DERA: variants seen among roughly 807,000 people sequenced by gnomAD.
The protein encoded by DERA is deoxyribose-phosphate aldolase, also known as 2-deoxy-D-ribose 5-phosphate aldolase.
In DERA, 15 loss-of-function variants were observed where a neutral mutation model predicts 41.1. That is an observed-to-expected ratio of 0.37 (90% CI 0.24 to 0.56). The LOEUF (loss-of-function observed/expected upper bound fraction) is 0.56, where lower values mean the gene tolerates loss of function less well. Among genes scored for constraint, DERA ranks in the 20% least tolerant of loss-of-function variants. The pLI is 0.81. For synonymous variants in DERA, 139 were observed against 137.4 expected (o/e 1.01, Z -0.08); for missense variants, 396 against 403.4 (o/e 0.98, Z 0.16).
At chr12:15,917,748 G>T (rs1012993007) in intron 1 of DERA, among the ~76,000 whole-genome samples, 1 of 152,180 alleles carries the variant, frequency 6.6e-6, no homozygotes, top group African/African-American at 2.4e-5. Flanking sequence ...TCCACAGACT[G>T]GGGTAGGGGT....
rs1364423818 is a variant in DERA at position 15,924,074 on chromosome 12, ATGT to A, written c.31+12662_31+12664del. 2.6e-5 allele frequency among the ~76,000 whole-genome samples: 4 copies of A among 152,206 alleles called. No homozygotes were observed. Among genetic ancestry groups the A allele is most frequent in the Non-Finnish European group, 2.9e-5 (2 of 68,034 alleles). On this transcript the variant is annotated intron_variant, in intron 1 of 8. Transcript: ENST00000428559. The surrounding 1 kb of genome is among the most constrained non-coding windows in gnomAD (Gnocchi z 5.0). ...AATTCTATCCAGAAATATTTGAATG[ATGT>A]TAGCCAGGTAAGAATTCTAAAGACT... is the stretch of plus-strand genomic sequence containing the variant.
rs1284041988 is a variant in DERA, at chr12:16,026,241, C to T, written c.638-6301C>T. Among the ~76,000 whole-genome samples the T allele has an allele frequency of 1.3e-5, 2 of 150,672 alleles. No homozygotes were observed. The highest frequency in any genetic ancestry group is 3.0e-5 in the Non-Finnish European group (2 of 67,598). ...AGAGAAATTTTTTTTTTTAAATATC[C>T]TAAAAGCTACTTTTTTTTTTCTCCC... On this transcript the variant is annotated intron_variant, in intron 6 of 8. Coordinates refer to ENST00000428559, the MANE Select transcript of DERA (RefSeq NM_015954.4). The surrounding 1 kb of genome is among the most constrained non-coding windows in gnomAD (Gnocchi z 4.4).
intron 1 of DERA, among the ~76,000 whole-genome samples, chr12:15,912,671 A>G (rs1948173118): frequency 6.6e-6 from 1 of 152,144 alleles, no homozygotes; most frequent in African/African-American, 2.4e-5. Context: ...CAGTATAGAT[A>G]GTATTAGTAT....
At position 15,992,318 on chromosome 12, in the gene DERA, T is replaced by C. The variant is rs78382663; in HGVS notation, c.637+9882T>C. On this transcript the variant is annotated intron_variant, in intron 6 of 8. Transcript: ENST00000428559. The surrounding 1 kb of genome is among the most constrained non-coding windows in gnomAD (Gnocchi z 4.3). ...GCCAAAATCTTGTAGAATTTGAACA[T>C]GTTATTTTAGAGGGCAACTCTTATT... Among the ~76,000 whole-genome samples, 1 of 152,156 alleles carries C rather than the reference T, an allele frequency of 6.6e-6. No homozygotes were observed. Among genetic ancestry groups the C allele is most frequent in the Non-Finnish European group, 1.5e-5 (1 of 67,982 alleles).
rs1385921121 is a variant in DERA at position 15,984,000 on chromosome 12, C to A, written c.637+1564C>A. 6.6e-6 allele frequency among the ~76,000 whole-genome samples: 1 copy of A among 152,212 alleles called. No homozygotes were observed. Among genetic ancestry groups the A allele is most frequent in the African/African-American group, 2.4e-5 (1 of 41,460 alleles). ...GAACCTGGGAAAAGCCCCTTGGAGG[C>A]TACTTGGTGTACAGGTAGCCCCCCT... On this transcript the variant is annotated intron_variant, in intron 6 of 8. Transcript: ENST00000428559. The surrounding 1 kb of genome is among the most constrained non-coding windows in gnomAD (Gnocchi z 6.2).
Position 15,940,598 on chromosome 12 carries a change from T to C in DERA, c.32-16338T>C, listed in dbSNP as rs1295573013. ...GATCTCCTGACCTCGTGATCTGCCC[T>C]CCTCGACCTCCCAAAATGCTGGGAT... On this transcript the variant is annotated intron_variant, in intron 1 of 8. Transcript: ENST00000428559. The surrounding 1 kb of genome is among the most constrained non-coding windows in gnomAD (Gnocchi z 5.1). Among the ~76,000 whole-genome samples the C allele has an allele frequency of 6.6e-6, 1 of 152,104 alleles. No homozygotes were observed. Among genetic ancestry groups the C allele is most frequent in the Non-Finnish European group, 1.5e-5 (1 of 68,000 alleles).
chr12:15,989,633 T>C lies in DERA; in HGVS notation c.637+7197T>C, dbSNP rs60707374. 0.065 allele frequency among the ~76,000 whole-genome samples: 9,838 copies of C among 152,318 alleles called. 1,019 individuals carry two copies. The highest frequency in any genetic ancestry group is 0.22 in the African/African-American group (9,057 of 41,544). ...GAGTCTGGTGACATTCTGTTATGTCTGTTATTCTTCTCTGTTTTTGTTTTC... is the reference window on the plus strand; with the variant it reads ...GAGTCTGGTGACATTCTGTTATGTCCGTTATTCTTCTCTGTTTTTGTTTTC... On this transcript the variant is annotated intron_variant, in intron 6 of 8. Coordinates refer to ENST00000428559, the MANE Select transcript of DERA (RefSeq NM_015954.4). This position sits in a 1 kb window ranked among gnomAD's most constrained non-coding sequence, Gnocchi z 5.2.
chr12:15,944,967 C>T (rs1948436129), intron 1 of DERA, among the ~76,000 whole-genome samples: 1 of 152,190 alleles, frequency 6.6e-6, no homozygotes, highest in Non-Finnish European at 1.5e-5. Context: ...GTTTTGCCAG[C>T]ATCATTTGTT....
chr12:16,016,323 G>GA (rs1206928748), intron 6 of DERA, among the ~76,000 whole-genome samples: 1 of 152,120 alleles, frequency 6.6e-6, no homozygotes, highest in Non-Finnish European at 1.5e-5. Flanking sequence ...AGGGGAAGGG[G>GA]AGAAGTGCAG....
At chr12:15,945,351 C>T (rs1375225386) in intron 1 of DERA, among the ~76,000 whole-genome samples, 3 of 152,270 alleles carry the variant, frequency 2.0e-5, no homozygotes, top group East Asian at 3.9e-4. Context: ...ATTGATTCTT[C>T]CTATCCATGA....
intron 1 of DERA, among the ~76,000 whole-genome samples, chr12:15,927,921 A>C (rs1376349996): frequency 1.3e-5 from 2 of 152,210 alleles, no homozygotes; most frequent in Non-Finnish European, 2.9e-5. Flanking sequence ...ATAAGGGAAG[A>C]AAAAGTAGCA....
chr12:15,948,473 C>T (rs1383934151), intron 1 of DERA, among the ~76,000 whole-genome samples: 2 of 152,208 alleles, frequency 1.3e-5, no homozygotes, highest in Non-Finnish European at 2.9e-5. Flanking sequence ...GATACCCTTT[C>T]TTCCAGTTGA....
chr12:15,960,194 GTA>G (rs766780590), intron 4 of DERA, among the ~76,000 whole-genome samples: 93 of 148,296 alleles, frequency 6.3e-4, no homozygotes, highest in Admixed American at 1.5e-3. Context: ...ATGACATATA[GTA>G]TATATATATA....
chr12:15,913,757 G>T lies in DERA; in HGVS notation c.31+2343G>T, dbSNP rs543761795. Among the ~76,000 whole-genome samples, 55 of 152,274 alleles carry T rather than the reference G, an allele frequency of 3.6e-4. No individual in the cohort carries two copies. The highest frequency in any genetic ancestry group is 1.3e-3 in the African/African-American group (53 of 41,552). Reference sequence around the variant, plus strand: ...AACATTGGCATTTGGATGTATGAAAGATGTTTTCCAAATAGGGAATGTACC... The same window carrying T: ...AACATTGGCATTTGGATGTATGAAATATGTTTTCCAAATAGGGAATGTACC... On this transcript the variant is annotated intron_variant, in intron 1 of 8. Transcript: ENST00000428559. The surrounding 1 kb of genome is among the most constrained non-coding windows in gnomAD (Gnocchi z 4.5).
Position 15,922,221 on chromosome 12 carries a change from T to G in DERA, c.31+10807T>G, listed in dbSNP as rs551537731. Among the ~76,000 whole-genome samples, 16 of 152,260 alleles carry G rather than the reference T, an allele frequency of 1.1e-4. No homozygotes were observed. In the South Asian group the frequency reaches 2.9e-3, roughly 28 times the overall value. On this transcript the variant is annotated intron_variant, in intron 1 of 8. Transcript: ENST00000428559. The surrounding 1 kb of genome is among the most constrained non-coding windows in gnomAD (Gnocchi z 4.9). ...GGGGAAGTACGCTGCCTTATTCTTG[T>G]CAAGGAAAGCAAACTGTGGCCATCA...
rs1482982019 is a variant in DERA at position 15,981,499 on chromosome 12, A to G, written c.509-809A>G. On this transcript the variant is annotated intron_variant, in intron 5 of 8. Coordinates refer to ENST00000428559, the MANE Select transcript of DERA (RefSeq NM_015954.4). The surrounding 1 kb of genome is among the most constrained non-coding windows in gnomAD (Gnocchi z 6.1). The stretch of plus-strand genomic sequence containing the variant: ...CCTGAAAAAGCCAAAATTCACTAGT[A>G]TCATTGACAAAAGACTTAAATAATT... Among the ~76,000 whole-genome samples, 1 of 152,256 alleles carries G rather than the reference A, an allele frequency of 6.6e-6. No homozygotes were observed. Among genetic ancestry groups the G allele is most frequent in the Non-Finnish European group, 1.5e-5 (1 of 68,046 alleles).
chr12:16,011,121 A>G lies in DERA; in HGVS notation c.638-21421A>G, dbSNP rs1023062860. On this transcript the variant is annotated intron_variant, in intron 6 of 8. Coordinates refer to ENST00000428559, the MANE Select transcript of DERA (RefSeq NM_015954.4). This position sits in a 1 kb window ranked among gnomAD's most constrained non-coding sequence, Gnocchi z 4.7. ...TTTCTCTCAAGTTAATAGATTCCAC[A>G]CAAGCATACCTGACTTTTAATGTTA... Among the ~76,000 whole-genome samples, 2 of 152,198 alleles carry G rather than the reference A, an allele frequency of 1.3e-5. No homozygotes were observed. The highest frequency in any genetic ancestry group is 1.5e-5 in the Non-Finnish European group (1 of 68,038).
rs138424606 is a variant in DERA at position 15,974,920 on chromosome 12, CCCTT to C, written c.509-7376_509-7373del. ...TCCTTCCCTCTCTCTCTCCTTCCCT[CCCTT>C]CCTTCCTTCCTGTTTGTAAGAACTC... On this transcript the variant is annotated intron_variant, in intron 5 of 8. Transcript: ENST00000428559. 6.4e-3 allele frequency among the ~76,000 whole-genome samples: 969 copies of C among 152,200 alleles called. 11 individuals are homozygous for C. Among genetic ancestry groups the C allele is most frequent in the African/African-American group, 0.022 (909 of 41,524 alleles).
rs1948667177 is a variant in DERA at position 15,972,358 on chromosome 12, C to T, written c.508+9411C>T. The T allele has an allele frequency of 6.4e-6, 1 of 155,196 alleles. No individual in the cohort carries two copies. Among genetic ancestry groups the T allele is most frequent in the Non-Finnish European group, 1.4e-5 (1 of 69,066 alleles). The allele number at this position is 155,196 out of a possible 1,614,324, so 9.6% of individuals were successfully genotyped here. Reference sequence around the variant, plus strand: ...GGCCTCGCGGCCCTTCTTGTTGCTCCCAGAACTGTGGGGTGAACTGATCAC... The same window carrying T: ...GGCCTCGCGGCCCTTCTTGTTGCTCTCAGAACTGTGGGGTGAACTGATCAC... On this transcript the variant is annotated intron_variant, in intron 5 of 8. Transcript: ENST00000428559. The surrounding 1 kb of genome is among the most constrained non-coding windows in gnomAD (Gnocchi z 4.4).
Sources: allele counts gnomAD v4.1 joint callset (sites outside exome capture counted in the v4.1 genomes callset), GRCh38; gene constraint gnomAD v4.1.1; non-coding constraint Gnocchi (gnomAD v3.1); transcripts MANE v1.5; gene names NCBI Gene and HGNC (gene_info 2026-07-23, HGNC 2026-07-21).